The following RSPH10B variants were observed in gnomAD, a reference collection of about 807,000 sequenced individuals.
The protein encoded by RSPH10B is radial spoke head 10 homolog B (Chlamydomonas).
A neutral mutation model predicts 52.5 loss-of-function variants in RSPH10B; 7 were observed. That is an observed-to-expected ratio of 0.13 (90% CI 0.08 to 0.25). RSPH10B has a LOEUF of 0.25. RSPH10B is among the 10% of genes least tolerant of loss of function. The pLI is 1.00. For missense variants in RSPH10B, 89 were observed against 542.5 expected (o/e 0.16, Z 8.30); for synonymous variants, 28 against 193.2 (o/e 0.14, Z 7.09).
At chr7:5,927,080 G>GTGTGTGTATGTATA (rs1779521090) in intron 18 of RSPH10B, among the ~76,000 whole-genome samples, 1 of 132,140 alleles carries the variant, frequency 7.6e-6, no homozygotes, top group South Asian at 2.4e-4. Flanking sequence ...ATGTGTGTGT[G>GTGTGTGTATGTATA]TGTGTGTGTG....
intron 13 of RSPH10B, among the ~76,000 whole-genome samples, chr7:5,941,751 A>AG (rs1780201659): frequency 7.1e-6 from 1 of 141,370 alleles, no homozygotes; most frequent in Non-Finnish European, 1.6e-5. Context: ...TAAAAAAAAA[A>AG]AAGTATCATG....
intron 18 of RSPH10B, among the ~76,000 whole-genome samples, chr7:5,927,086 G>GTATATA (rs1562553478): frequency 5.8e-5 from 4 of 69,076 alleles, no homozygotes; most frequent in African/African-American, 2.1e-4. Context: ...GTGTGTGTGT[G>GTATATA]TGTGTGTGTG....
intron 13 of RSPH10B, among the ~76,000 whole-genome samples, chr7:5,942,689 C>T (rs1202665939): frequency 6.7e-6 from 1 of 149,876 alleles, no homozygotes; most frequent in African/African-American, 2.5e-5. Context: ...TGGTGAACAC[C>T]CGTCTCTACT....
At chr7:5,961,672 GTTGTTTTT>G (rs1374922112) in intron 3 of RSPH10B, among the ~76,000 whole-genome samples, 133 of 17,918 alleles carry the variant, frequency 7.4e-3, no homozygotes, top group African/African-American at 0.026. Context: ...ATTTTTTGTT[GTTGTTTTT>G]TTGTTTTTTT....
intron 11 of RSPH10B, among the ~76,000 whole-genome samples, chr7:5,944,516 T>C (rs1780388405): frequency 6.7e-6 from 1 of 149,712 alleles, no homozygotes; most frequent in Non-Finnish European, 1.5e-5. Context: ...TATTTGTTTC[T>C]GCATTAGAAA....
chr7:5,970,632 CCA>C (rs1412475475), upstream of RSPH10B: 4 of 141,162 alleles, frequency 2.8e-5, 1 homozygote, highest in African/African-American at 1.0e-4. Context: ...CTCCAGGAGC[CCA>C]GAGACCTCGC....
At chr7:5,943,013 A>G (rs2528297) in intron 13 of RSPH10B, among the ~76,000 whole-genome samples, 90,123 of 144,976 alleles carry the variant, frequency 0.62, 23,603 homozygotes, top group Admixed American at 0.71. Flanking sequence ...TGATCCGCCC[A>G]CCTCGGCCTC....
intron 17 of RSPH10B, among the ~76,000 whole-genome samples, chr7:5,928,715 T>C (rs1779662168): frequency 2.7e-5 from 4 of 148,894 alleles, no homozygotes. Flanking sequence ...CACTGCAACC[T>C]CCACCTCCTG....
chr7:5,942,890 T>C (rs1780269815), intron 13 of RSPH10B, among the ~76,000 whole-genome samples: 1 of 135,234 alleles, frequency 7.4e-6, no homozygotes, highest in South Asian at 2.2e-4. Flanking sequence ...AATATATATA[T>C]ATTTATTATA....
chr7:5,950,083 AAATC>A (rs1780530941), intron 9 of RSPH10B, among the ~76,000 whole-genome samples: 1 of 131,532 alleles, frequency 7.6e-6, no homozygotes, highest in African/African-American at 2.8e-5. Flanking sequence ...AACATTTGAA[AAATC>A]AATCAATGTA....
intron 16 of RSPH10B, among the ~76,000 whole-genome samples, chr7:5,933,766 CAAA>C (rs202156286): frequency 1.4e-4 from 13 of 93,046 alleles, no homozygotes; most frequent in East Asian, 3.4e-4. Flanking sequence ...GACTCTGTCT[CAAA>C]AAAAAAAAAA....
intron 13 of RSPH10B, among the ~76,000 whole-genome samples, chr7:5,942,898 A>G (rs1190802515): frequency 3.1e-5 from 4 of 127,684 alleles, no homozygotes; most frequent in Admixed American, 8.7e-5. Context: ...TATATTTATT[A>G]TATATATATT....
intron 4 of RSPH10B, among the ~76,000 whole-genome samples, chr7:5,960,405 T>A (rs1780881671): frequency 1.6e-5 from 1 of 63,756 alleles, no homozygotes; most frequent in Non-Finnish European, 3.5e-5. Context: ...AGAGCAAGAC[T>A]CCATCTCAAA....
At chr7:5,926,629 A>ATATG (rs1189042570) in intron 18 of RSPH10B, 81 bp from the exon 21 acceptor site, 22 of 1,034,332 alleles carry the variant, frequency 2.1e-5, no homozygotes, top group Non-Finnish European at 2.8e-5. Context: ...TTTATAGTAT[A>ATATG]CAGCCCTTCA....
At chr7:5,960,898 AG>A (rs770869186) in intron 3 of RSPH10B, 34 bp from the exon 6 acceptor site, 1 of 783,718 alleles carries the variant, frequency 1.3e-6, no homozygotes, top group Non-Finnish European at 1.7e-6. Flanking sequence ...GACAGAAGGA[AG>A]TGTTGGGGGG....
In RSPH10B at chr7:5,954,988, T is replaced by TAAAAAA. The variant is rs1185408288; in HGVS notation, c.957+1011_957+1016dup. On this transcript the variant is annotated intron_variant, in intron 7 of 18. Coordinates refer to ENST00000337579, the Ensembl canonical transcript of RSPH10B. ...AACACGGCAAAACCCCTGTAACTAC[T>TAAAAAA]AAAAAAAAAAAAAAAAAAAAAAAAA... Among the ~76,000 whole-genome samples the TAAAAAA allele has an allele frequency of 1.0e-3, 25 of 24,162 alleles. 1 individual carries two copies. Among genetic ancestry groups the TAAAAAA allele is most frequent in the South Asian group, 5.7e-3 (1 of 174 alleles). The allele number at this position is 24,162 out of a possible 152,430, so 15.9% of individuals were successfully genotyped here.
At chr7:5,939,014 C>T (rs143297517) in intron 13 of RSPH10B, among the ~76,000 whole-genome samples, 185 bp from the exon 16 acceptor site, 25,860 of 76,728 alleles carry the variant, frequency 0.34, 8,391 homozygotes, top group South Asian at 0.45. Context: ...CAGCTCACTG[C>T]AACGTCCACC....
intron 4 of RSPH10B, among the ~76,000 whole-genome samples, chr7:5,960,097 ACT>A (rs1780868743): frequency 5.9e-5 from 2 of 34,114 alleles, no homozygotes; most frequent in South Asian, 2.4e-3. Flanking sequence ...CAACAACACA[ACT>A]CAATAAATAG....
intron 17 of RSPH10B, among the ~76,000 whole-genome samples, chr7:5,929,029 T>A (rs954106701): frequency 6.9e-6 from 1 of 145,438 alleles, no homozygotes; most frequent in Non-Finnish European, 1.5e-5. Context: ...CTTTTTTTTT[T>A]AAAGACAAGC....
Sources: allele counts gnomAD v4.1 joint callset (sites outside exome capture counted in the v4.1 genomes callset), GRCh38; gene constraint gnomAD v4.1.1; transcripts MANE v1.5; gene names NCBI Gene and HGNC (gene_info 2026-07-23, HGNC 2026-07-21).